Variants in CACNA1G observed in about 807,000 individuals in gnomAD.
CACNA1G encodes the protein calcium voltage-gated channel subunit alpha1 G, also known as voltage-dependent T-type calcium channel subunit alpha-1G.
CACNA1G carries 67 observed loss-of-function variants against 219.4 expected under a neutral mutation model. The observed-to-expected ratio is 0.31, with a 90% CI of 0.25 to 0.37. The LOEUF (loss-of-function observed/expected upper bound fraction) is 0.37. Ranked by LOEUF, CACNA1G falls within the 10% of genes least tolerant of loss-of-function variation. The pLI, the probability that CACNA1G is intolerant of heterozygous loss-of-function variation, is 1.00. For synonymous variants in CACNA1G, 1,296 were observed against 1,345.3 expected (o/e 0.96, Z 0.80); for missense variants, 2,380 against 3,231.4 (o/e 0.74, Z 6.39).
rs2053922292 is a variant in CACNA1G at position 50,626,971 on chromosome 17, T to A, written c.*220T>A. On this transcript the variant is annotated 3_prime_UTR_variant, in exon 38 of 38. Coordinates refer to ENST00000359106, the MANE Select transcript of CACNA1G (RefSeq NM_018896.5). The surrounding 1 kb of genome is among the most constrained non-coding windows in gnomAD (Gnocchi z 4.3). ...GCTCCAGGCAGAAGGAGAGGCCCGG[T>A]GCAGCTGAGGTTCCCGACACCAGAA... The A allele has an allele frequency of 1.4e-6, 1 of 697,052 alleles. No individual in the cohort carries two copies. Among genetic ancestry groups the A allele is most frequent in the Non-Finnish European group, 2.6e-6 (1 of 384,180 alleles). 43.2% of individuals were successfully genotyped at this position (697,052 alleles called of 1,614,324 possible).
rs758152538 is a variant in CACNA1G at position 50,599,567 on chromosome 17, C to T, written c.3398C>T (p.Ser1133Leu). 5.6e-6 allele frequency: 9 copies of T among 1,612,682 alleles called. No individual in the cohort carries two copies. Among genetic ancestry groups the T allele is most frequent in the East Asian group, 4.5e-5 (2 of 44,842 alleles). The part of the protein sequence containing the change: ...SPSGERRSLL[S>L]GEGQESQDEE... ...AGTGGAGAGCGGCGGTCCCTGTTGT[C>T]GGGAGAAGGCCAGGAGAGCCAGGAT... The change falls in exon 17 of 38, where the codon TCG becomes TTG. Residue 1133 changes from serine to leucine, a missense_variant. This residue lies in a region of CACNA1G where 418 missense variants were observed against 434.3 expected (regional missense o/e 0.96). Coordinates refer to ENST00000359106, the MANE Select transcript of CACNA1G (RefSeq NM_018896.5).
chr17:50,562,595 G>A (rs573971746), intron 1 of CACNA1G, among the ~76,000 whole-genome samples: 9 of 152,200 alleles, frequency 5.9e-5, no homozygotes, highest in African/African-American at 2.2e-4. Flanking sequence ...AGCAAGTGGG[G>A]GATGGGGTTA....
chr17:50,597,011 G>A (rs1016496280), intron 16 of CACNA1G, 88 bp downstream of exon 16: 27 of 1,246,764 alleles, frequency 2.2e-5, no homozygotes, highest in African/African-American at 1.5e-5. Flanking sequence ...GGGTCCAAGG[G>A]CACAGCCCCT....
chr17:50,603,314 G>A lies in CACNA1G; in HGVS notation c.4169+115G>A. The A allele has an allele frequency of 1.1e-6, 1 of 876,844 alleles. No homozygotes were observed. Among genetic ancestry groups the A allele is most frequent in the Non-Finnish European group, 1.7e-6 (1 of 574,904 alleles). 54.3% of individuals were successfully genotyped at this position (876,844 alleles called of 1,614,324 possible). On this transcript the variant is annotated intron_variant, in intron 21 of 37. Transcript: ENST00000359106. This position sits in a 1 kb window ranked among gnomAD's most constrained non-coding sequence, Gnocchi z 6.4. Reference sequence around the variant, plus strand: ...AAAAGCCTGCACAGGCCAGCATCCTGTCTGTGACCCCCACAGGCGATCCTG... The same window carrying A: ...AAAAGCCTGCACAGGCCAGCATCCTATCTGTGACCCCCACAGGCGATCCTG...
chr17:50,586,178 G>A, intron 9 of CACNA1G, among the ~76,000 whole-genome samples: 1 of 152,218 alleles, frequency 6.6e-6, no homozygotes, highest in East Asian at 1.9e-4. Flanking sequence ...TGCCACCACT[G>A]CAGCCAGATT....
At chr17:50,585,462 C>T (rs2042814325) in intron 9 of CACNA1G, among the ~76,000 whole-genome samples, 1 of 152,180 alleles carries the variant, frequency 6.6e-6, no homozygotes, top group Non-Finnish European at 1.5e-5. Flanking sequence ...ACCCCAATGA[C>T]AGTGGAGAGG....
intron 4 of CACNA1G, among the ~76,000 whole-genome samples, chr17:50,570,964 G>A (rs565764910): frequency 6.6e-6 from 1 of 152,212 alleles, no homozygotes; most frequent in African/African-American, 2.4e-5. Context: ...TGGCACTTTG[G>A]GGGTGAAGCC....
chr17:50,620,076 T>C (rs142095124), intron 34 of CACNA1G, among the ~76,000 whole-genome samples: 173 of 150,296 alleles, frequency 1.2e-3, no homozygotes, highest in African/African-American at 4.1e-3. Flanking sequence ...GAGGAGGAGC[T>C]TGGGGAGGGG....
rs1187243626 is a variant in CACNA1G, at chr17:50,594,973, G to A, written c.2911-20G>A. On this transcript the variant is annotated intron_variant, in intron 13 of 37. Coordinates refer to ENST00000359106, the MANE Select transcript of CACNA1G (RefSeq NM_018896.5). The stretch of plus-strand genomic sequence containing the variant: ...CGCCTGTGACCAGCAGCCCTCCCCT[G>A]CCTCCCCCTTTCCCTGTAGGAAATC... The A allele has an allele frequency of 6.5e-7, 1 of 1,549,822 alleles. No individual in the cohort carries two copies. Among genetic ancestry groups the A allele is most frequent in the Non-Finnish European group, 8.7e-7 (1 of 1,145,880 alleles).
rs2046427827 is a variant in CACNA1G at position 50,600,606 on chromosome 17, A to T, written c.3691-120A>T. The T allele has an allele frequency of 1.3e-6, 1 of 792,106 alleles. No individual in the cohort carries two copies. Among genetic ancestry groups the T allele is most frequent in the Admixed American group, 2.1e-5 (1 of 46,968 alleles). The allele number at this position is 792,106 out of a possible 1,614,324, so 49.1% of individuals were successfully genotyped here. ...GAATAAAGGAAGAGAGGCAGGGCAG[A>T]GCTTGGGCCCCAGGTGGGAGAGGGT... On this transcript the variant is annotated intron_variant, in intron 17 of 37. Transcript: ENST00000359106. This position sits in a 1 kb window ranked among gnomAD's most constrained non-coding sequence, Gnocchi z 4.1.
chr17:50,564,154 G>GTGTGTGTGTGTGTA (rs1310512257), intron 1 of CACNA1G, among the ~76,000 whole-genome samples: 6 of 151,658 alleles, frequency 4.0e-5, no homozygotes, highest in African/African-American at 1.5e-4. Context: ...GTGTGTGTGT[G>GTGTGTGTGTGTGTA]TGTGTGTGTT....
intron 9 of CACNA1G, among the ~76,000 whole-genome samples, chr17:50,585,603 G>A (rs2042841231): frequency 6.6e-6 from 1 of 152,128 alleles, no homozygotes. Flanking sequence ...AGGCCCTGGG[G>A]GCACCATGAC....
chr17:50,582,623 C>T (rs1432004824), intron 9 of CACNA1G, among the ~76,000 whole-genome samples: 1 of 151,810 alleles, frequency 6.6e-6, no homozygotes, highest in Non-Finnish European at 1.5e-5. Flanking sequence ...TGCACTGGGG[C>T]CAGACCTCTC....
chr17:50,588,687 G>A (rs2043517827), intron 9 of CACNA1G, among the ~76,000 whole-genome samples: 1 of 152,054 alleles, frequency 6.6e-6, no homozygotes, highest in Non-Finnish European at 1.5e-5. Context: ...CTGGAGCAAC[G>A]GGCTCCATGC....
chr17:50,600,000 A>G, intron 17 of CACNA1G, 141 bp downstream of exon 17: 1 of 823,624 alleles, frequency 1.2e-6, no homozygotes, highest in Admixed American at 2.8e-5. Context: ...GCTCCAAACA[A>G]TCCCTTTTCT....
rs748823959 is a variant in CACNA1G, at chr17:50,591,760, C to T, written c.2661C>T (p.Phe887=). Residue 887 remains phenylalanine, a synonymous_variant, in exon 12 of 38, where the codon TTC becomes TTT. Transcript: ENST00000359106. ...FIFSILGMHL[F]GCKFASERDG... is the part of the protein sequence containing the mutation. ...ACAGCATCCTGGGCATGCATCTCTT[C>T]GGCTGCAAGTTTGCCTCTGAGCGGG... The T allele has an allele frequency of 2.7e-5, 44 of 1,613,800 alleles. No homozygotes were observed. Among genetic ancestry groups the T allele is most frequent in the East Asian group, 1.1e-4 (5 of 44,876 alleles).
chr17:50,607,062 A>T (rs747302914), intron 24 of CACNA1G, 73 bp downstream of exon 24: 1 of 1,224,192 alleles, frequency 8.2e-7, no homozygotes, highest in African/African-American at 1.5e-5. Context: ...GGACAGAAAG[A>T]GCAAGGCAGG....
intron 1 of CACNA1G, among the ~76,000 whole-genome samples, chr17:50,563,446 T>C (rs1384229097): frequency 1.3e-5 from 2 of 152,158 alleles, no homozygotes; most frequent in East Asian, 1.9e-4. Context: ...CCCTAATCAT[T>C]TACCCCTTCC....
rs761563364 is a variant in CACNA1G at position 50,575,631 on chromosome 17, G to A, written c.1229G>A (p.Arg410Gln). The change falls in exon 8 of 38, where the codon CGG (arginine) becomes CAG (glutamine). Residue 410 changes from arginine to glutamine, a missense_variant. Physicochemically the swap from Arg to Gln is conservative, Grantham distance 43. Coordinates refer to ENST00000359106, the MANE Select transcript of CACNA1G (RefSeq NM_018896.5). ...ETKQRESQLM[R>Q]EQRVRFLSNA... is the part of the protein sequence containing the mutation. ...AAGCAGCGGGAAAGCCAGCTGATGC[G>A]GGAGCAGCGTGTGCGGTTCCTGTCC... 13 of 1,613,618 alleles carry A rather than the reference G, an allele frequency of 8.1e-6. No individual in the cohort carries two copies. The highest frequency in any genetic ancestry group is 1.1e-5 in the South Asian group (1 of 91,070).
Sources: allele counts gnomAD v4.1 joint callset (sites outside exome capture counted in the v4.1 genomes callset), GRCh38; gene constraint gnomAD v4.1.1; regional missense constraint gnomAD v4.1.1; non-coding constraint Gnocchi (gnomAD v3.1); transcripts MANE v1.5; gene names NCBI Gene and HGNC (gene_info 2026-07-23, HGNC 2026-07-21).